RHOBTB1: variants seen among roughly 807,000 people sequenced by gnomAD.
RHOBTB1 encodes rho-related BTB domain-containing protein 1.
A neutral mutation model predicts 71.6 loss-of-function variants in RHOBTB1; 40 were observed. That is an observed-to-expected ratio of 0.56 (90% CI 0.43 to 0.73). The LOEUF is 0.73. RHOBTB1 is among the 30% of genes least tolerant of loss of function. The pLI, the probability that RHOBTB1 is intolerant of heterozygous loss-of-function variation, is 0.00. For missense variants in RHOBTB1, 797 were observed against 894.0 expected (o/e 0.89, Z 1.38); for synonymous variants, 319 against 334.9 (o/e 0.95, Z 0.52).
chr10:60,881,696 T>C (rs915939105), intron 7 of RHOBTB1, among the ~76,000 whole-genome samples: 8 of 152,242 alleles, frequency 5.3e-5, no homozygotes, highest in African/African-American at 1.7e-4. Flanking sequence ...TTTGAAAATC[T>C]TCAGATTACC....
At chr10:60,873,120 A>G (rs1218129208) in intron 9 of RHOBTB1, among the ~76,000 whole-genome samples, 10 of 152,196 alleles carry the variant, frequency 6.6e-5, no homozygotes. Flanking sequence ...CCCACTCAAG[A>G]GACTCACTGA....
chr10:60,946,812 C>A (rs1184580051), upstream of RHOBTB1, among the ~76,000 whole-genome samples: 1 of 152,214 alleles, frequency 6.6e-6, no homozygotes, highest in East Asian at 1.9e-4. Context: ...GGCTCACAGG[C>A]TTCCAAAAGA....
chr10:60,916,793 G>A (rs572313169), intron 2 of RHOBTB1, among the ~76,000 whole-genome samples: 1 of 152,224 alleles, frequency 6.6e-6, no homozygotes, highest in East Asian at 1.9e-4. Flanking sequence ...ATGGAATTAA[G>A]GTTGTTAGTC....
rs566591702 is a variant in RHOBTB1 at position 60,971,067 on chromosome 10, A to G, written c.-62+14778T>C. Among the ~76,000 whole-genome samples the G allele has an allele frequency of 8.5e-5, 13 of 152,150 alleles. No homozygotes were observed. The East Asian group carries it at 2.3e-3, about 27-fold the overall frequency. Reference sequence around the variant, plus strand: ...CTAGTTTTTATGGGACACTCTTACCATCATCATTATCATTATTGATGTAAT... The same window carrying G: ...CTAGTTTTTATGGGACACTCTTACCGTCATCATTATCATTATTGATGTAAT... On this transcript the variant is annotated intron_variant, in intron 2 of 11. Transcript: ENST00000357917.
chr10:60,951,453 T>C (rs142613153), intron 2 of RHOBTB1, among the ~76,000 whole-genome samples: 275 of 152,380 alleles, frequency 1.8e-3, no homozygotes, highest in African/African-American at 6.3e-3. Flanking sequence ...CCTACTTTAA[T>C]ACTTCACATG....
chr10:60,897,083 A>G (rs2082196751), intron 4 of RHOBTB1, among the ~76,000 whole-genome samples: 1 of 152,218 alleles, frequency 6.6e-6, no homozygotes, highest in African/African-American at 2.4e-5. Flanking sequence ...AGTTGGGACC[A>G]ATCTTTGTTG....
At chr10:60,916,181 C>G (rs2133565973) in intron 2 of RHOBTB1, among the ~76,000 whole-genome samples, 1 of 152,302 alleles carries the variant, frequency 6.6e-6, no homozygotes, top group Non-Finnish European at 1.5e-5. Flanking sequence ...GGTCTAGAGT[C>G]TAGGTCTCCA....
intron 8 of RHOBTB1, among the ~76,000 whole-genome samples, chr10:60,877,580 T>C (rs904688596): frequency 6.6e-5 from 10 of 152,188 alleles, no homozygotes; most frequent in Non-Finnish European, 1.2e-4. Flanking sequence ...GGAGATAATG[T>C]TGACAAAATA....
chr10:60,911,390 T>A lies in RHOBTB1; in HGVS notation c.153A>T (p.Pro51=). 4 of 1,614,070 alleles carry A rather than the reference T, an allele frequency of 2.5e-6. No homozygotes were observed. The highest frequency in any genetic ancestry group is 3.4e-6 in the Non-Finnish European group (4 of 1,179,956). ...TQYQLLATHV[P]TVWAIDQYRV... ...GGTACTGGTCAATCGCCCACACTGT[T>A]GGCACGTGGGTGGCCAGCAGCTGAT... The change falls in exon 3 of 11, where the codon CCA becomes CCT. Residue 51 remains proline, a synonymous_variant. Transcript: ENST00000337910.
intron 2 of RHOBTB1, among the ~76,000 whole-genome samples, chr10:60,939,144 G>T (rs1201783667): frequency 6.6e-6 from 1 of 152,154 alleles, no homozygotes; most frequent in African/African-American, 2.4e-5. Context: ...TGTAAAACTT[G>T]CTAATTCGTT....
upstream of RHOBTB1, among the ~76,000 whole-genome samples, chr10:60,945,771 G>T (rs2085200223): frequency 6.7e-6 from 1 of 148,520 alleles, no homozygotes; most frequent in African/African-American, 2.6e-5. Flanking sequence ...TTTTGAAAAT[G>T]GAGTTACCAA....
chr10:60,965,871 C>A lies in RHOBTB1; in HGVS notation c.-62+19974G>T, dbSNP rs956037541. On this transcript the variant is annotated intron_variant, in intron 2 of 11. Coordinates refer to the RHOBTB1 transcript ENST00000357917. ...CATTGTCTTGCCTTGTTGGCAATTTCATTGTTCGAAAATTTGAGGAAATAA... is the reference window on the plus strand; with the variant it reads ...CATTGTCTTGCCTTGTTGGCAATTTAATTGTTCGAAAATTTGAGGAAATAA... Among the ~76,000 whole-genome samples, 6 of 151,948 alleles carry A rather than the reference C, an allele frequency of 3.9e-5. No homozygotes were observed. The South Asian group carries it at 1.2e-3, about 32-fold the overall frequency.
chr10:60,999,013 A>C (rs527862714), intron 1 of RHOBTB1, among the ~76,000 whole-genome samples: 2 of 152,212 alleles, frequency 1.3e-5, no homozygotes, highest in African/African-American at 4.8e-5. Flanking sequence ...AGATTATTAC[A>C]AGAATTTAAT....
chr10:60,975,320 A>C (rs1204304082), intron 2 of RHOBTB1, among the ~76,000 whole-genome samples: 1 of 152,048 alleles, frequency 6.6e-6, no homozygotes, highest in Non-Finnish European at 1.5e-5. Context: ...CATTTGCTAC[A>C]TGGTCCAGAG....
chr10:60,999,078 C>T (rs980852103), intron 1 of RHOBTB1, among the ~76,000 whole-genome samples: 2 of 152,196 alleles, frequency 1.3e-5, no homozygotes, highest in Non-Finnish European at 1.5e-5. Context: ...AATGCAAGCT[C>T]TTTTATTTTT....
chr10:60,996,389 A>C (rs74155437), intron 1 of RHOBTB1, among the ~76,000 whole-genome samples: 2,628 of 152,200 alleles, frequency 0.017, 72 homozygotes, highest in African/African-American at 0.06. Flanking sequence ...TCCCACCCAC[A>C]ATCCAGCTAA....
At chr10:60,922,926 T>C (rs1292865878) in intron 2 of RHOBTB1, among the ~76,000 whole-genome samples, 3 of 152,188 alleles carry the variant, frequency 2.0e-5, no homozygotes, top group Non-Finnish European at 4.4e-5. Context: ...AGACTGAACA[T>C]TAGTATAACT....
At chr10:60,982,975 C>A (rs1380905131) in intron 2 of RHOBTB1, among the ~76,000 whole-genome samples, 1 of 151,964 alleles carries the variant, frequency 6.6e-6, no homozygotes, top group Non-Finnish European at 1.5e-5. Flanking sequence ...TTTATTGTTC[C>A]ATGGTCTTTT....
At chr10:60,962,262 A>T (rs533350677) in intron 2 of RHOBTB1, among the ~76,000 whole-genome samples, 1 of 152,306 alleles carries the variant, frequency 6.6e-6, no homozygotes, top group South Asian at 2.1e-4. Context: ...ACTAAAATTA[A>T]AATAATCTGG....
Sources: allele counts gnomAD v4.1 joint callset (sites outside exome capture counted in the v4.1 genomes callset), GRCh38; gene constraint gnomAD v4.1.1; transcripts MANE v1.5; gene names NCBI Gene and HGNC (gene_info 2026-07-23, HGNC 2026-07-21).